CADM2: variants seen among roughly 807,000 people sequenced by gnomAD.
The protein encoded by CADM2 is cell adhesion molecule 2, also known as immunoglobulin superfamily member 4D.
A neutral mutation model predicts 49.8 loss-of-function variants in CADM2; 12 were observed. The ratio of observed to expected loss-of-function variants is 0.24; its 90% CI spans 0.15 to 0.39. The LOEUF is 0.39. CADM2 is among the 10% of genes least tolerant of loss of function. CADM2 has a pLI of 1.00. For missense variants in CADM2, 378 were observed against 492.3 expected, an observed-to-expected ratio of 0.77 and a Z score of 2.20; for synonymous variants, 214 against 175.4, an observed-to-expected ratio of 1.22 and a Z score of -1.74.
chr3:85,836,294 T>A (rs1435436523), intron 3 of CADM2, among the ~76,000 whole-genome samples: 3 of 151,618 alleles, frequency 2.0e-5, no homozygotes, highest in Admixed American at 2.0e-4. Context: ...GTTGTAAAAA[T>A]GACCATTTGC....
intron 1 of CADM2, among the ~76,000 whole-genome samples, chr3:85,403,510 AT>A (rs2035219843): frequency 6.6e-6 from 1 of 152,126 alleles, no homozygotes; most frequent in Admixed American, 6.5e-5. Context: ...AGAGTCAGTG[AT>A]TATGTCCTCT....
rs142565294 is a variant in CADM2, at chr3:85,933,900, A to AT, written c.701-1865dup. On this transcript the variant is annotated intron_variant, in intron 6 of 9. Coordinates refer to ENST00000383699, the MANE Select transcript of CADM2 (RefSeq NM_001167675.2). ...TTAATTTTATTTAGTCTTTCAAGAG[A>AT]TTGGATGAGGCCCTTTCATATCATG... 2.7e-3 allele frequency among the ~76,000 whole-genome samples: 414 copies of AT among 152,196 alleles called. 1 individual carries two copies. The highest frequency in any genetic ancestry group is 9.7e-3 in the African/African-American group (405 of 41,552).
chr3:85,648,893 C>A (rs747664494), intron 1 of CADM2, among the ~76,000 whole-genome samples: 9 of 151,886 alleles, frequency 5.9e-5, no homozygotes, highest in Non-Finnish European at 1.2e-4. Flanking sequence ...AATTCAGATT[C>A]ATCAAAATAC....
intron 1 of CADM2, among the ~76,000 whole-genome samples, chr3:85,580,245 A>G (rs2062756661): frequency 6.6e-6 from 1 of 152,168 alleles, no homozygotes; most frequent in Non-Finnish European, 1.5e-5. Context: ...ATCCCATTGC[A>G]TATGCAGGAG....
At chr3:85,736,463 C>A (rs1216892919) in intron 2 of CADM2, among the ~76,000 whole-genome samples, 1 of 152,068 alleles carries the variant, frequency 6.6e-6, no homozygotes, top group Non-Finnish European at 1.5e-5. Flanking sequence ...TGAGCATTAA[C>A]TGGGCAACAG....
chr3:85,448,551 T>C (rs904007869), intron 1 of CADM2, among the ~76,000 whole-genome samples: 1 of 152,048 alleles, frequency 6.6e-6, no homozygotes. Flanking sequence ...ACCAAACCTA[T>C]GACTCTCTCT....
intron 1 of CADM2, among the ~76,000 whole-genome samples, chr3:85,264,624 T>C (rs181323360): frequency 6.6e-6 from 1 of 152,012 alleles, no homozygotes; most frequent in Non-Finnish European, 1.5e-5. Flanking sequence ...CACTTAATTT[T>C]GAAACAATTA....
chr3:85,068,603 T>A (rs2036605848), intron 1 of CADM2, among the ~76,000 whole-genome samples: 1 of 152,174 alleles, frequency 6.6e-6, no homozygotes, highest in Non-Finnish European at 1.5e-5. Flanking sequence ...AGATCTATAA[T>A]CTTCCACACA....
rs182176386 is a variant in CADM2 at position 85,991,404 on chromosome 3, G to A, written c.970+29757G>A. Among the ~76,000 whole-genome samples the A allele has an allele frequency of 3.3e-3, 499 of 152,178 alleles. 1 individual carries two copies. The highest frequency in any genetic ancestry group is 5.3e-3 in the Non-Finnish European group (358 of 67,984). On this transcript the variant is annotated intron_variant, in intron 8 of 9. Transcript: ENST00000383699. ...TAAAGTTTTGCCTCTTCTATAGTAGGATAAAACAGAATTGCATTGTAATTC... is the reference window on the plus strand; with the variant it reads ...TAAAGTTTTGCCTCTTCTATAGTAGAATAAAACAGAATTGCATTGTAATTC...
intron 2 of CADM2, among the ~76,000 whole-genome samples, chr3:85,771,939 T>C (rs947387547): frequency 1.3e-5 from 2 of 151,854 alleles, no homozygotes; most frequent in Non-Finnish European, 2.9e-5. Context: ...GTGAAGTTTT[T>C]CAGCAAAAGG....
intron 1 of CADM2, among the ~76,000 whole-genome samples, chr3:85,114,243 A>G (rs1036076730): frequency 3.3e-5 from 5 of 152,068 alleles, no homozygotes; most frequent in African/African-American, 1.2e-4. Flanking sequence ...AATAATGGAT[A>G]GGCATAGAGA....
chr3:85,894,600 CCAGGGCATGTCAGAGACCTT>C (rs1276254892), intron 5 of CADM2, among the ~76,000 whole-genome samples: 1 of 152,148 alleles, frequency 6.6e-6, no homozygotes, highest in Non-Finnish European at 1.5e-5. Context: ...GAAAATGTCT[CCAGGGCATGTCAGAGACCTT>C]CAGGGCAACC....
At chr3:85,447,994 C>G (rs915268120) in intron 1 of CADM2, among the ~76,000 whole-genome samples, 1 of 151,970 alleles carries the variant, frequency 6.6e-6, no homozygotes, top group Non-Finnish European at 1.5e-5. Context: ...GCAAAACACA[C>G]ACAAAAAGAC....
chr3:85,824,755 C>T (rs2073809091), intron 3 of CADM2, among the ~76,000 whole-genome samples: 1 of 151,984 alleles, frequency 6.6e-6, no homozygotes, highest in African/African-American at 2.4e-5. Flanking sequence ...GGCAGTCTAT[C>T]CTGTATGGAG....
chr3:85,122,744 CG>C (rs888720727), intron 1 of CADM2, among the ~76,000 whole-genome samples: 9 of 152,070 alleles, frequency 5.9e-5, no homozygotes, highest in Non-Finnish European at 7.4e-5. Flanking sequence ...CAATCCTTGC[CG>C]GATTCCTTTT....
intron 1 of CADM2, among the ~76,000 whole-genome samples, chr3:85,339,566 A>G (rs1336000885): frequency 7.4e-5 from 11 of 148,868 alleles, no homozygotes. Context: ...TATTTTTCTC[A>G]TCTTTTCTTC....
chr3:84,999,577 T>C (rs918588037), intron 1 of CADM2, among the ~76,000 whole-genome samples: 3 of 152,098 alleles, frequency 2.0e-5, no homozygotes, highest in African/African-American at 7.2e-5. Flanking sequence ...AAATGTAGCA[T>C]GAAATAGACC....
chr3:85,552,924 G>A (rs892787675), intron 1 of CADM2, among the ~76,000 whole-genome samples: 3 of 151,788 alleles, frequency 2.0e-5, no homozygotes, highest in Admixed American at 6.6e-5. Flanking sequence ...TGATCCACCT[G>A]CCTCGGCCTC....
In CADM2 at chr3:85,802,138, C is replaced by T; in HGVS notation, c.180C>T (p.Asn60=). The T allele has an allele frequency of 1.9e-6, 3 of 1,613,302 alleles. No individual in the cohort carries two copies. Among genetic ancestry groups the T allele is most frequent in the Non-Finnish European group, 1.7e-6 (2 of 1,179,556 alleles). The change falls in exon 3 of 10, where the codon AAC becomes AAT. Residue 60 remains asparagine, a synonymous_variant. Transcript: ENST00000383699. Reference sequence around the variant, plus strand: ...CCTGCAGGGTTGATCAAAATGATAACACCTCCCTCCAGTGGTCAAATCCAG... The same window carrying T: ...CCTGCAGGGTTGATCAAAATGATAATACCTCCCTCCAGTGGTCAAATCCAG... ...ILTCRVDQND[N]TSLQWSNPAQ... is the part of the protein sequence containing the mutation.
Sources: gnomAD v4.1 joint callset for allele counts (sites outside exome capture counted in the v4.1 genomes callset) on GRCh38, gnomAD v4.1.1 for gene constraint, MANE v1.5 for transcripts, NCBI Gene and HGNC (gene_info 2026-07-23, HGNC 2026-07-21) for gene names.